RHOA: variants seen among roughly 807,000 people sequenced by gnomAD.
RHOA encodes the protein transforming protein RhoA.
In RHOA, 3 loss-of-function variants were observed where a neutral mutation model predicts 17.5. The ratio of observed to expected loss-of-function variants is 0.17; its 90% CI spans 0.08 to 0.44. The LOEUF (loss-of-function observed/expected upper bound fraction) is 0.44, where lower values mean the gene tolerates loss of function less well. RHOA is among the 20% of genes least tolerant of loss of function. RHOA has a pLI of 0.99. For missense variants in RHOA, 56 were observed against 242.3 expected (o/e 0.23, Z 5.10); for synonymous variants, 98 against 88.4 (o/e 1.11, Z -0.61).
At chr3:49,388,547 CTA>C (rs1453943508) in intron 1 of RHOA, among the ~76,000 whole-genome samples, 6 of 152,146 alleles carry the variant, frequency 3.9e-5, no homozygotes, top group African/African-American at 1.4e-4. Context: ...TGGCTACTGA[CTA>C]TGCTTCAGTA....
At chr3:49,361,087 A>AAC in intron 4 of RHOA, 1 of 150,222 alleles carries the variant, frequency 6.7e-6, no homozygotes, top group Non-Finnish European at 1.5e-5. Context: ...AAAACAAAAC[A>AAC]AAAAAAAAAA....
intron 1 of RHOA, among the ~76,000 whole-genome samples, chr3:49,390,295 C>G (rs2107877376): frequency 6.6e-6 from 1 of 152,188 alleles, no homozygotes; most frequent in South Asian, 2.1e-4. Context: ...CCACCACGCC[C>G]AGCTAATTTT....
intron 1 of RHOA, among the ~76,000 whole-genome samples, chr3:49,396,248 C>G (rs749531268): frequency 6.6e-6 from 1 of 152,100 alleles, no homozygotes; most frequent in Non-Finnish European, 1.5e-5. Context: ...AACGTGGGCA[C>G]TGAGATATGT....
chr3:49,404,006 A>C (rs951968615), intron 1 of RHOA, among the ~76,000 whole-genome samples: 2 of 147,476 alleles, frequency 1.4e-5, no homozygotes, highest in African/African-American at 5.0e-5. Context: ...CTGAATAGTG[A>C]AAGTTGAAGA....
At chr3:49,366,109 T>C (rs2048050568) in intron 3 of RHOA, among the ~76,000 whole-genome samples, 1 of 152,144 alleles carries the variant, frequency 6.6e-6, no homozygotes, top group Non-Finnish European at 1.5e-5. Context: ...GAGGCAGTTT[T>C]TTCCCTCAAG....
At chr3:49,400,026 C>A (rs1575281780) in intron 1 of RHOA, among the ~76,000 whole-genome samples, 2 of 151,812 alleles carry the variant, frequency 1.3e-5, no homozygotes. Flanking sequence ...GCCTGACCAA[C>A]AAGGTGAAAC....
chr3:49,395,743 T>C (rs555392680), intron 1 of RHOA, among the ~76,000 whole-genome samples: 2 of 149,730 alleles, frequency 1.3e-5, no homozygotes, highest in Admixed American at 1.3e-4. Context: ...AAACAGAGCC[T>C]TGGCAGGGCA....
rs540827614 is a variant in RHOA at position 49,411,184 on chromosome 3, C to G, written c.-3+636G>C. Among the ~76,000 whole-genome samples, 7 of 151,984 alleles carry G rather than the reference C, an allele frequency of 4.6e-5. No homozygotes were observed. In the South Asian group the frequency reaches 1.5e-3, roughly 32 times the overall value. On this transcript the variant is annotated intron_variant, in intron 1 of 4. Coordinates refer to ENST00000418115, the MANE Select transcript of RHOA (RefSeq NM_001664.4). The stretch of plus-strand genomic sequence containing the variant: ...AAATGGAAAATACCCCTTTTCCACT[C>G]AAAACAGACCCCAAAGCTTTCAGAC...
chr3:49,409,126 G>T (rs1038821003), intron 1 of RHOA, among the ~76,000 whole-genome samples: 1 of 151,714 alleles, frequency 6.6e-6, no homozygotes, highest in African/African-American at 2.4e-5. Flanking sequence ...TGGGCGTGGT[G>T]GCTCACCCTT....
chr3:49,400,488 C>T (rs1409821621), intron 1 of RHOA, among the ~76,000 whole-genome samples: 6 of 152,106 alleles, frequency 3.9e-5, no homozygotes, highest in Non-Finnish European at 7.4e-5. Flanking sequence ...TCCCTGAACT[C>T]CTACAGCACT....
In RHOA at chr3:49,364,388, G is replaced by A. The variant is rs1048278604; in HGVS notation, c.278-1762C>T. 3.9e-5 allele frequency among the ~76,000 whole-genome samples: 6 copies of A among 152,200 alleles called. No homozygotes were observed. The South Asian group carries it at 1.0e-3, about 26-fold the overall frequency. ...CAATCCCAGCTACTTGAGAGGCTGA[G>A]GCTGGAGAATCGCTTGAACCCGGGA... is the stretch of plus-strand genomic sequence containing the variant. On this transcript the variant is annotated intron_variant, in intron 3 of 4. Coordinates refer to ENST00000418115, the MANE Select transcript of RHOA (RefSeq NM_001664.4).
intron 1 of RHOA, among the ~76,000 whole-genome samples, chr3:49,404,807 A>G (rs1316654476): frequency 2.0e-5 from 3 of 150,108 alleles, no homozygotes; most frequent in African/African-American, 7.4e-5. Context: ...GCGTGGCAGC[A>G]TGCACCTGTA....
chr3:49,386,358 T>TA (rs2048394827), intron 1 of RHOA, among the ~76,000 whole-genome samples: 1 of 152,078 alleles, frequency 6.6e-6, no homozygotes, highest in South Asian at 2.1e-4. Context: ...AGAGGAAAAA[T>TA]ATAAGAAACA....
At chr3:49,403,563 T>A (rs953604285) in intron 1 of RHOA, among the ~76,000 whole-genome samples, 2 of 150,536 alleles carry the variant, frequency 1.3e-5, no homozygotes, top group African/African-American at 4.9e-5. Context: ...AAAAAAAAAA[T>A]TACAAAATAA....
intron 1 of RHOA, among the ~76,000 whole-genome samples, chr3:49,390,718 G>C (rs182217326): frequency 2.0e-5 from 3 of 152,258 alleles, no homozygotes; most frequent in East Asian, 3.9e-4. Flanking sequence ...TACAAATTTT[G>C]ATAGAGTGAC....
intron 3 of RHOA, among the ~76,000 whole-genome samples, chr3:49,363,241 A>G (rs1338905941): frequency 2.0e-5 from 3 of 151,852 alleles, no homozygotes; most frequent in African/African-American, 7.3e-5. Context: ...ACACAGTGAA[A>G]CCCCGTCTCT....
chr3:49,402,865 GTATCC>G, intron 1 of RHOA, among the ~76,000 whole-genome samples: 1 of 151,912 alleles, frequency 6.6e-6, no homozygotes, highest in East Asian at 1.9e-4. Flanking sequence ...GCGAAACCCC[GTATCC>G]ACTAAAAACA....
intron 1 of RHOA, among the ~76,000 whole-genome samples, chr3:49,399,464 T>C (rs1169584855): frequency 9.9e-5 from 15 of 151,932 alleles, no homozygotes; most frequent in Admixed American, 8.5e-4. Flanking sequence ...TATCATACCA[T>C]AGTGTAATGG....
intron 3 of RHOA, among the ~76,000 whole-genome samples, chr3:49,365,588 C>CTTTT (rs62741361): frequency 2.4e-5 from 3 of 124,972 alleles, no homozygotes; most frequent in Admixed American, 8.8e-5. Flanking sequence ...AATTTTCAAA[C>CTTTT]TTTTTTTTTT....
Sources: allele counts gnomAD v4.1 joint callset (sites outside exome capture counted in the v4.1 genomes callset), GRCh38; gene constraint gnomAD v4.1.1; transcripts MANE v1.5; gene names NCBI Gene and HGNC (gene_info 2026-07-23, HGNC 2026-07-21).